CDH26: variants seen among roughly 807,000 people sequenced by gnomAD.
CDH26 encodes cadherin 26.
Under a neutral mutation model 90.3 loss-of-function variants are expected in CDH26, and 83 were observed. The observed-to-expected ratio is 0.92, with a 90% CI of 0.77 to 1.10. The LOEUF (loss-of-function observed/expected upper bound fraction) is 1.10. Ranked by LOEUF, CDH26 falls within the 50% of genes least tolerant of loss-of-function variation. The pLI is 0.00. For synonymous variants in CDH26, 397 were observed against 396.3 expected, an observed-to-expected ratio of 1.00 and a Z score of -0.02; for missense variants, 1,013 against 1,037.6, an observed-to-expected ratio of 0.98 and a Z score of 0.33.
At chr20:60,017,808 C>T (rs185860150), downstream of CDH26, among the ~76,000 whole-genome samples, 1 of 152,002 alleles carries the variant, frequency 6.6e-6, no homozygotes, top group Admixed American at 6.5e-5. Flanking sequence ...GCTGTGTTTC[C>T]TACTTTTATT....
downstream of CDH26, among the ~76,000 whole-genome samples, chr20:60,016,592 A>G (rs773555880): frequency 5.3e-5 from 8 of 150,850 alleles, no homozygotes; most frequent in Non-Finnish European, 1.2e-4. Flanking sequence ...TTCTAATTTG[A>G]ATTCCCTTTT....
chr20:60,009,089 G>T (rs554083991), intron 17 of CDH26, among the ~76,000 whole-genome samples: 4 of 152,318 alleles, frequency 2.6e-5, no homozygotes, highest in African/African-American at 9.6e-5. Flanking sequence ...TGACACAGGG[G>T]TCACTGAAGA....
intron 10 of CDH26, among the ~76,000 whole-genome samples, chr20:59,993,558 C>G (rs1316669244): frequency 5.9e-5 from 9 of 152,206 alleles, no homozygotes; most frequent in Non-Finnish European, 8.8e-5. Flanking sequence ...GAATGGCCTC[C>G]AGCTCTATTC....
At chr20:59,986,955 AT>A (rs1364716922) in intron 7 of CDH26, among the ~76,000 whole-genome samples, 1 of 152,210 alleles carries the variant, frequency 6.6e-6, no homozygotes, top group Non-Finnish European at 1.5e-5. Flanking sequence ...TGGAAAAAAA[AT>A]ATACCCTCTT....
intron 4 of CDH26, among the ~76,000 whole-genome samples, chr20:59,978,625 C>T (rs113404811): frequency 0.066 from 9,986 of 152,118 alleles, 486 homozygotes; most frequent in Non-Finnish European, 0.1. Flanking sequence ...CCCCCCACCT[C>T]GGCCTCCCAA....
chr20:60,031,451 G>A lies in CDH26; in HGVS notation c.1143+25G>A, dbSNP rs930193621. The A allele has an allele frequency of 9.4e-6, 10 of 1,065,354 alleles. No homozygotes were observed. In the African/African-American group the frequency reaches 1.7e-4, roughly 18 times the overall value. 66.0% of individuals were successfully genotyped at this position (1,065,354 alleles called of 1,614,324 possible). A position where few individuals can be genotyped will look rare whatever the true frequency, so the allele number is the denominator to read the frequency against. ...GGTTTGAGTCTCTATATTTTTGCAT[G>A]TACTAGATTTCTCCTTTTAAAAAAG... On this transcript the variant is annotated intron_variant, in intron 8 of 8. Coordinates refer to the CDH26 transcript ENST00000370991.
intron 16 of CDH26, among the ~76,000 whole-genome samples, chr20:60,004,731 A>G (rs961251837): frequency 1.4e-5 from 2 of 144,714 alleles, no homozygotes; most frequent in African/African-American, 5.3e-5. Context: ...GCGCCACTGC[A>G]CTCCAGCCTG....
At chr20:60,028,343 C>T (rs907328127) in intron 7 of CDH26, among the ~76,000 whole-genome samples, 2 of 152,216 alleles carry the variant, frequency 1.3e-5, no homozygotes, top group Admixed American at 6.5e-5. Context: ...TGATCTGCCA[C>T]GTTTTTAAAA....
At chr20:59,971,214 AG>A (rs1202818751) in intron 3 of CDH26, among the ~76,000 whole-genome samples, 1 of 152,200 alleles carries the variant, frequency 6.6e-6, no homozygotes, top group African/African-American at 2.4e-5. Flanking sequence ...ACAAACATAA[AG>A]AGTACAGAAA....
chr20:60,033,585 C>T (rs1418956563), exon 9 of CDH26: 2 of 1,304,710 alleles, frequency 1.5e-6, no homozygotes, highest in Admixed American at 2.3e-5. Flanking sequence ...AGTGCGCATT[C>T]CCCATCACCC....
At chr20:59,989,518 G>C (rs2061501852) in intron 9 of CDH26, among the ~76,000 whole-genome samples, 1 of 140,522 alleles carries the variant, frequency 7.1e-6, no homozygotes, top group South Asian at 2.3e-4. Flanking sequence ...CTGGGCGACA[G>C]AGCGAGACTC....
intron 1 of CDH26, among the ~76,000 whole-genome samples, chr20:59,961,513 C>T (rs560019520): frequency 2.0e-5 from 3 of 152,262 alleles, no homozygotes; most frequent in Non-Finnish European, 4.4e-5. Flanking sequence ...AGTAACATTC[C>T]GTTCCATTCC....
At position 59,992,369 on chromosome 20, in the gene CDH26, T is replaced by C. The variant is rs961331583; in HGVS notation, c.1284-9T>C. The C allele has an allele frequency of 6.2e-7, 1 of 1,602,228 alleles. No individual in the cohort carries two copies. Among genetic ancestry groups the C allele is most frequent in the African/African-American group, 1.3e-5 (1 of 74,214 alleles). ...TTTTAAAAATTGCTGTCCGTTTTCCTTCTACAAGATATGAACTGGTTCATG... is the reference window on the plus strand; with the variant it reads ...TTTTAAAAATTGCTGTCCGTTTTCCCTCTACAAGATATGAACTGGTTCATG... On this transcript the variant is annotated splice_polypyrimidine_tract_variant and intron_variant, in intron 9 of 17. Coordinates refer to ENST00000348616, the MANE Select transcript of CDH26 (RefSeq NM_177980.4). This position sits in a 1 kb window ranked among gnomAD's most constrained non-coding sequence, Gnocchi z 5.0.
At chr20:60,003,777 G>A (rs537483701) in intron 16 of CDH26, among the ~76,000 whole-genome samples, 13 of 152,254 alleles carry the variant, frequency 8.5e-5, no homozygotes, top group African/African-American at 2.4e-4. Context: ...TTGAGGAGTC[G>A]TAGGCCCTGG....
chr20:59,961,848 G>A (rs1601073865), intron 1 of CDH26, among the ~76,000 whole-genome samples: 5 of 152,204 alleles, frequency 3.3e-5, no homozygotes, highest in African/African-American at 1.2e-4. Flanking sequence ...CTCACCTTGG[G>A]GCTGTGGCAG....
intron 17 of CDH26, among the ~76,000 whole-genome samples, chr20:60,009,094 T>C (rs572404090): frequency 6.6e-6 from 1 of 152,312 alleles, no homozygotes; most frequent in South Asian, 2.1e-4. Flanking sequence ...CAGGGGTCAC[T>C]GAAGAAGCAA....
chr20:59,971,876 C>A (rs1342905235), intron 3 of CDH26, 86 bp from the exon 4 acceptor site: 2 of 1,083,962 alleles, frequency 1.8e-6, no homozygotes, highest in Non-Finnish European at 2.7e-6. Context: ...TTAAAGATGC[C>A]ATTGATTCTT....
intron 15 of CDH26, 95 bp downstream of exon 15, chr20:60,001,506 T>C: frequency 6.6e-7 from 1 of 1,517,476 alleles, no homozygotes; most frequent in Non-Finnish European, 8.8e-7. Flanking sequence ...GATTCGGTGA[T>C]ACTGTCAGAA....
intron 1 of CDH26, among the ~76,000 whole-genome samples, chr20:59,964,251 C>A (rs2061116986): frequency 6.6e-6 from 1 of 152,164 alleles, no homozygotes; most frequent in Non-Finnish European, 1.5e-5. Flanking sequence ...AATTTTCTCC[C>A]AAAAGATGCC....
Sources: gnomAD v4.1 joint callset for allele counts (sites outside exome capture counted in the v4.1 genomes callset) on GRCh38, gnomAD v4.1.1 for gene constraint, Gnocchi (gnomAD v3.1) non-coding constraint, MANE v1.5 for transcripts, NCBI Gene and HGNC (gene_info 2026-07-23, HGNC 2026-07-21) for gene names.